GNG2: variants seen among roughly 807,000 people sequenced by gnomAD.
GNG2 encodes guanine nucleotide-binding protein G(I)/G(S)/G(O) subunit gamma-2.
A neutral mutation model predicts 5.5 loss-of-function variants in GNG2; 5 were observed. The ratio of observed to expected loss-of-function variants is 0.91; its 90% CI spans 0.48 to 1.92. The LOEUF is 1.92. Among genes scored for constraint, GNG2 ranks in the 30% most tolerant of loss-of-function variants. GNG2 has a pLI of 0.01. For synonymous variants in GNG2, 28 were observed against 32.0 expected (o/e 0.88, Z 0.42); for missense variants, 55 against 88.4 (o/e 0.62, Z 1.52).
intron 2 of GNG2, among the ~76,000 whole-genome samples, chr14:51,924,949 T>C (rs1367771085): frequency 1.3e-5 from 2 of 152,228 alleles, no homozygotes; most frequent in African/African-American, 4.8e-5. Flanking sequence ...CCATCTTCTT[T>C]TATCCCCACA....
At chr14:51,882,104 TAAA>T (rs1884117088) in intron 2 of GNG2, among the ~76,000 whole-genome samples, 1 of 152,060 alleles carries the variant, frequency 6.6e-6, no homozygotes, top group Non-Finnish European at 1.5e-5. Context: ...AATTAGAGAG[TAAA>T]TGTAAATAAG....
intron 2 of GNG2, among the ~76,000 whole-genome samples, chr14:51,901,731 T>TG (rs1885574766): frequency 1.3e-5 from 1 of 75,270 alleles, no homozygotes. Context: ...GTTTTGGAAG[T>TG]GGGGGTTGGG....
intron 2 of GNG2, among the ~76,000 whole-genome samples, chr14:51,912,772 G>A (rs1002278322): frequency 4.0e-5 from 6 of 148,794 alleles, no homozygotes; most frequent in African/African-American, 1.5e-4. Flanking sequence ...CATTGTGTGG[G>A]CAGTCCTTAT....
chr14:51,967,588 C>G lies in GNG2; in HGVS notation c.*901C>G, dbSNP rs1468228996. 6.6e-6 allele frequency: 1 copy of G among 152,120 alleles called. No homozygotes were observed. The highest frequency in any genetic ancestry group is 1.5e-5 in the Non-Finnish European group (1 of 68,024). 9.4% of individuals were successfully genotyped at this position (152,120 alleles called of 1,614,324 possible). On this transcript the variant is annotated 3_prime_UTR_variant, in exon 4 of 4. Transcript: ENST00000556766. ...AGTATTTTGAAAATTGAGATTACTT[C>G]AGAGCCTTAGCCACACCTAAAATAC...
intron 2 of GNG2, chr14:51,917,527 C>A: frequency 4.7e-6 from 2 of 424,524 alleles, no homozygotes; most frequent in Non-Finnish European, 9.4e-6. Context: ...ACTTAACTTC[C>A]AGCAAATAGC....
chr14:51,834,815 A>AT (rs1285601619), intron 2 of GNG2, among the ~76,000 whole-genome samples: 1 of 152,068 alleles, frequency 6.6e-6, no homozygotes, highest in Non-Finnish European at 1.5e-5. Context: ...CTGGAAATAG[A>AT]TTTTCTTTTC....
chr14:51,856,427 C>A (rs977679171), upstream of GNG2, among the ~76,000 whole-genome samples: 3 of 152,098 alleles, frequency 2.0e-5, no homozygotes, highest in Non-Finnish European at 4.4e-5. Context: ...TTTAATATTT[C>A]TTTTCTTTTT....
At position 51,960,698 on chromosome 14, in the gene GNG2, A is replaced by G. The variant is rs541894399; in HGVS notation, c.88-5861A>G. Among the ~76,000 whole-genome samples the G allele has an allele frequency of 7.2e-5, 10 of 138,098 alleles. No homozygotes were observed. In the East Asian group the frequency reaches 2.7e-3, roughly 37 times the overall value. The allele number at this position is 138,098 out of a possible 152,430, so 90.6% of individuals were successfully genotyped here. ...TTGGAAACATTTTGATCTATTCAAG[A>G]CTTACTTTTCAACTTTTCAACTTTG... On this transcript the variant is annotated intron_variant, in intron 3 of 3. Coordinates refer to ENST00000556766, the MANE Select transcript of GNG2 (RefSeq NM_053064.5).
chr14:51,926,674 C>T (rs1463304302), intron 2 of GNG2, among the ~76,000 whole-genome samples: 1 of 152,152 alleles, frequency 6.6e-6, no homozygotes, highest in African/African-American at 2.4e-5. Context: ...AGGAGCCTGG[C>T]CTCTTCCTTT....
intron 2 of GNG2, among the ~76,000 whole-genome samples, chr14:51,892,489 C>T (rs367564634): frequency 1.1e-4 from 16 of 151,816 alleles, no homozygotes; most frequent in African/African-American, 3.4e-4. Context: ...TTTATAGAGA[C>T]GGTTTTGCCA....
At chr14:51,865,258 G>C (rs950389545) in intron 1 of GNG2, among the ~76,000 whole-genome samples, 79 of 152,156 alleles carry the variant, frequency 5.2e-4, no homozygotes, top group Admixed American at 1.2e-3. Flanking sequence ...GAAGCCAGGT[G>C]CCTGTCTTTA....
At chr14:51,917,444 A>G (rs1258465082) in intron 2 of GNG2, 1 of 456,086 alleles carries the variant, frequency 2.2e-6, no homozygotes, top group African/African-American at 2.0e-5. Flanking sequence ...TGTGAGACGT[A>G]GCATCCTCCA....
At chr14:51,933,726 G>A (rs752102137) in intron 2 of GNG2, among the ~76,000 whole-genome samples, 17 of 152,202 alleles carry the variant, frequency 1.1e-4, no homozygotes, top group Admixed American at 5.9e-4. Flanking sequence ...GGGAAGAGAA[G>A]GCAGAGCTTA....
At chr14:51,918,600 A>G (rs1383183153) in intron 2 of GNG2, 1 of 151,898 alleles carries the variant, frequency 6.6e-6, no homozygotes, top group Non-Finnish European at 1.5e-5. Context: ...AAATAAGTAA[A>G]AAAATAAACT....
At chr14:51,867,779 T>G (rs1455178558) in intron 1 of GNG2, among the ~76,000 whole-genome samples, 1 of 152,234 alleles carries the variant, frequency 6.6e-6, no homozygotes. Flanking sequence ...GCCTCTTTCA[T>G]GAAGCCTCCC....
chr14:51,945,766 G>T (rs1888607464), intron 2 of GNG2, among the ~76,000 whole-genome samples: 1 of 140,464 alleles, frequency 7.1e-6, no homozygotes, highest in African/African-American at 2.7e-5. Context: ...ATGGAGGGGT[G>T]TGTGCATGTA....
chr14:51,931,088 ACT>A (rs1435399792), intron 2 of GNG2, among the ~76,000 whole-genome samples: 1 of 152,198 alleles, frequency 6.6e-6, no homozygotes. Flanking sequence ...ATAGAGCAAG[ACT>A]CTGTCTCAAA....
intron 2 of GNG2, among the ~76,000 whole-genome samples, chr14:51,837,717 A>C (rs1043374807): frequency 6.6e-6 from 1 of 152,046 alleles, no homozygotes; most frequent in Non-Finnish European, 1.5e-5. Context: ...TTAACTTGTT[A>C]ATGAGGGAAC....
intron 2 of GNG2, among the ~76,000 whole-genome samples, chr14:51,882,873 G>A (rs1884182028): frequency 6.6e-6 from 1 of 151,990 alleles, no homozygotes; most frequent in Non-Finnish European, 1.5e-5. Flanking sequence ...AGCTGGACAT[G>A]GTGGCACATG....
Sources: gnomAD v4.1 joint callset for allele counts (sites outside exome capture counted in the v4.1 genomes callset) on GRCh38, gnomAD v4.1.1 for gene constraint, MANE v1.5 for transcripts, NCBI Gene and HGNC (gene_info 2026-07-23, HGNC 2026-07-21) for gene names.